CNOT2: variants seen among roughly 807,000 people sequenced by gnomAD.
CNOT2 encodes CCR4-NOT transcription complex subunit 2, also known as CC chemokine receptor 4-negative regulator of transcription 2.
CNOT2 carries 7 observed loss-of-function variants against 72.1 expected under a neutral mutation model. That is an observed-to-expected ratio of 0.10 (90% CI 0.06 to 0.18). The LOEUF (loss-of-function observed/expected upper bound fraction) is 0.18. Ranked by LOEUF, CNOT2 falls within the 10% of genes least tolerant of loss-of-function variation. The probability of loss-of-function intolerance (pLI) is 1.00; values close to 1 mark genes in which losing one functional copy is unlikely to be tolerated. For missense variants in CNOT2, 345 were observed against 660.3 expected, an observed-to-expected ratio of 0.52 and a Z score of 5.23; for synonymous variants, 196 against 225.6, an observed-to-expected ratio of 0.87 and a Z score of 1.17.
At chr12:70,284,277 C>T (rs887883974) in intron 2 of CNOT2, among the ~76,000 whole-genome samples, 1 of 146,162 alleles carries the variant, frequency 6.8e-6, no homozygotes, top group East Asian at 2.0e-4. Flanking sequence ...CAGGGTCTCA[C>T]TCTGTCACCC....
intron 2 of CNOT2, among the ~76,000 whole-genome samples, chr12:70,288,541 C>T (rs919922872): frequency 5.9e-5 from 9 of 152,176 alleles, no homozygotes; most frequent in Admixed American, 5.9e-4. Flanking sequence ...CTCTGGAATT[C>T]TAGCTTTTAC....
At chr12:70,340,478 G>A (rs1016658241) in intron 11 of CNOT2, among the ~76,000 whole-genome samples, 4 of 152,080 alleles carry the variant, frequency 2.6e-5, no homozygotes, top group South Asian at 2.1e-4. Flanking sequence ...ACACTTCTGA[G>A]TTTGAGATTT....
chr12:70,329,381 C>G, intron 4 of CNOT2, 42 bp from the exon 5 acceptor site: 1 of 1,531,256 alleles, frequency 6.5e-7, no homozygotes, highest in Non-Finnish European at 9.0e-7. Flanking sequence ...CAATTTCATT[C>G]CTGATGGCAA....
At chr12:70,311,399 T>TAATGG (rs1490674763) in intron 3 of CNOT2, among the ~76,000 whole-genome samples, 1 of 152,032 alleles carries the variant, frequency 6.6e-6, no homozygotes, top group Non-Finnish European at 1.5e-5. Flanking sequence ...CTTGAAGATA[T>TAATGG]AATGGCAAGC....
At chr12:70,340,735 A>C (rs1033045445) in intron 11 of CNOT2, among the ~76,000 whole-genome samples, 1 of 152,010 alleles carries the variant, frequency 6.6e-6, no homozygotes, top group African/African-American at 2.4e-5. Flanking sequence ...TGAATACTCC[A>C]TTAGCCAGTC....
Position 70,295,945 on chromosome 12 carries a change from ATCAGAG to A in CNOT2, c.49-14946_49-14941del, listed in dbSNP as rs1174591956. Among the ~76,000 whole-genome samples, 5 of 152,274 alleles carry A rather than the reference ATCAGAG, an allele frequency of 3.3e-5. No individual in the cohort carries two copies. In the East Asian group the frequency reaches 9.6e-4, roughly 29 times the overall value. ...AACATACAGAACATATTCTCCCTAG[ATCAGAG>A]TCAAACTTGTGGAGGTATTTGTAGC... On this transcript the variant is annotated intron_variant, in intron 2 of 15. Transcript: ENST00000229195.
At chr12:70,334,914 A>T (rs1880464016) in intron 7 of CNOT2, 1 of 153,338 alleles carries the variant, frequency 6.5e-6, no homozygotes, top group Non-Finnish European at 1.4e-5. Flanking sequence ...GCACGCACAC[A>T]CGTTTGTATA....
chr12:70,346,492 A>G lies in CNOT2; in HGVS notation c.1536+168A>G, dbSNP rs559483552. On this transcript the variant is annotated intron_variant, in intron 15 of 15. Coordinates refer to ENST00000229195, the MANE Select transcript of CNOT2 (RefSeq NM_014515.7). ...TGACACTCTTAGAAGAGTGTCCCAAAACAATTGGTTTCACTGATAGTTACA... is the reference window on the plus strand; with the variant it reads ...TGACACTCTTAGAAGAGTGTCCCAAGACAATTGGTTTCACTGATAGTTACA... The G allele has an allele frequency of 2.3e-4, 112 of 477,690 alleles. 1 individual carries two copies. The highest frequency in any genetic ancestry group is 1.3e-3 in the African/African-American group (67 of 50,752). 29.6% of individuals were successfully genotyped at this position (477,690 alleles called of 1,614,324 possible).
chr12:70,353,928 A>AG lies in CNOT2; in HGVS notation c.*13_*14insG, dbSNP rs1225745183. The stretch of plus-strand genomic sequence containing the variant: ...GCAAGCCTTCTAAAAAAAAAAAAAA[A>AG]AAAAAAAAAAGACTTCCCTTTTCTT... On this transcript the variant is annotated 3_prime_UTR_variant, in exon 16 of 16. Coordinates refer to ENST00000229195, the MANE Select transcript of CNOT2 (RefSeq NM_014515.7). 1 of 1,580,070 alleles carries AG rather than the reference A, an allele frequency of 6.3e-7. No individual in the cohort carries two copies. Among genetic ancestry groups the AG allele is most frequent in the East Asian group, 2.2e-5 (1 of 44,580 alleles).
chr12:70,348,605 G>C (rs1366621440), intron 15 of CNOT2, among the ~76,000 whole-genome samples: 2 of 152,000 alleles, frequency 1.3e-5, no homozygotes, highest in African/African-American at 4.8e-5. Context: ...ATGTAAAAAG[G>C]GGTGGATATT....
At chr12:70,294,133 A>T in intron 2 of CNOT2, 1 of 1,289,198 alleles carries the variant, frequency 7.8e-7, no homozygotes, top group Non-Finnish European at 1.0e-6. Flanking sequence ...GCTGGAGTTG[A>T]ACTTCAGAGC....
At chr12:70,290,909 CAGATAA>C (rs1871778835) in intron 2 of CNOT2, 5 of 152,130 alleles carry the variant, frequency 3.3e-5, no homozygotes, top group Non-Finnish European at 5.9e-5. Context: ...TGTCAATATT[CAGATAA>C]GGCTTGGATG....
At chr12:70,314,931 T>A (rs1565803122) in intron 3 of CNOT2, among the ~76,000 whole-genome samples, 1 of 152,162 alleles carries the variant, frequency 6.6e-6, no homozygotes, top group Non-Finnish European at 1.5e-5. Flanking sequence ...TGGCACGATC[T>A]TGGCTCACAG....
rs2135931636 is a variant in CNOT2, at chr12:70,304,395, T to C, written c.49-6500T>C. The stretch of plus-strand genomic sequence containing the variant: ...GTGGGTTTTTGGTGTGGATGTCCTT[T>C]CTGTTTGTTAGTTTTCCTTCTAACA... On this transcript the variant is annotated intron_variant, in intron 2 of 15. Transcript: ENST00000229195. Among the ~76,000 whole-genome samples the C allele has an allele frequency of 1.3e-5, 2 of 152,306 alleles. 1 individual carries two copies. The highest frequency in any genetic ancestry group is 4.1e-4 in the South Asian group (2 of 4,826).
In CNOT2 at chr12:70,342,004, G is replaced by T. The variant is rs532093959; in HGVS notation, c.1179-103G>T. On this transcript the variant is annotated intron_variant, in intron 11 of 15. Coordinates refer to ENST00000229195, the MANE Select transcript of CNOT2 (RefSeq NM_014515.7). ...GTAAACCCAAGTAAGGGAATTAGAA[G>T]TAAAGATGGTCATTTTACAGTTGGA... is the stretch of plus-strand genomic sequence containing the variant. 74 of 798,546 alleles carry T rather than the reference G, an allele frequency of 9.3e-5. No homozygotes were observed. The African/African-American group carries it at 1.1e-3, about 12-fold the overall frequency. 49.5% of individuals were successfully genotyped at this position (798,546 alleles called of 1,614,324 possible).
Position 70,344,291 on chromosome 12 carries a change from C to G in CNOT2, c.1391+63C>G, listed in dbSNP as rs749786615. The G allele has an allele frequency of 3.1e-6, 3 of 979,426 alleles. No homozygotes were observed. The African/African-American group carries it at 4.9e-5, about 16-fold the overall frequency. 60.7% of individuals were successfully genotyped at this position (979,426 alleles called of 1,614,324 possible). On this transcript the variant is annotated intron_variant, in intron 14 of 15. Transcript: ENST00000229195. ...TGGATCTTGACTATGCTGAAAACAT[C>G]TTTAAGTGATGATGGCTATCTTTAA...
chr12:70,337,927 T>G (rs1388684499), intron 9 of CNOT2: 2 of 308,222 alleles, frequency 6.5e-6, no homozygotes, highest in Non-Finnish European at 1.2e-5. Flanking sequence ...TCTTCCACAT[T>G]TCACTGAAAA....
intron 2 of CNOT2, among the ~76,000 whole-genome samples, chr12:70,299,723 C>T (rs933852057): frequency 6.6e-6 from 1 of 152,046 alleles, no homozygotes; most frequent in Non-Finnish European, 1.5e-5. Flanking sequence ...ATTTATAATC[C>T]TTTGGGTATA....
intron 2 of CNOT2, among the ~76,000 whole-genome samples, chr12:70,302,924 G>C (rs1301290690): frequency 6.6e-6 from 1 of 152,130 alleles, no homozygotes; most frequent in African/African-American, 2.4e-5. Flanking sequence ...TATATATTTA[G>C]GATAGTTAGT....
Sources: allele counts gnomAD v4.1 joint callset (sites outside exome capture counted in the v4.1 genomes callset), GRCh38; gene constraint gnomAD v4.1.1; transcripts MANE v1.5; gene names NCBI Gene and HGNC (gene_info 2026-07-23, HGNC 2026-07-21).